The following CERS6 variants were observed in gnomAD, a reference collection of about 807,000 sequenced individuals.
CERS6 encodes the protein ceramide synthase 6.
CERS6 carries 26 observed loss-of-function variants against 56.8 expected under a neutral mutation model. The ratio of observed to expected loss-of-function variants is 0.46; its 90% CI spans 0.34 to 0.63. CERS6 has a LOEUF of 0.63. Among genes scored for constraint, CERS6 ranks in the 30% least tolerant of loss-of-function variants. The probability of loss-of-function intolerance (pLI) is 0.01; values close to 1 mark genes in which losing one functional copy is unlikely to be tolerated. For missense variants in CERS6, 415 were observed against 467.5 expected (o/e 0.89, Z 1.04); for synonymous variants, 164 against 173.3 (o/e 0.95, Z 0.42).
At chr2:168,606,872 G>A (rs1201881127) in intron 3 of CERS6, among the ~76,000 whole-genome samples, 1 of 152,124 alleles carries the variant, frequency 6.6e-6, no homozygotes, top group Non-Finnish European at 1.5e-5. Context: ...AAAGTGTGTG[G>A]CACCTTCCCC....
chr2:168,631,237 A>G (rs1684710145), intron 4 of CERS6, among the ~76,000 whole-genome samples, 195 bp downstream of exon 4: 1 of 150,614 alleles, frequency 6.6e-6, no homozygotes, highest in Non-Finnish European at 1.5e-5. Context: ...CCAGTGGGTT[A>G]TTTATTACTT....
In CERS6 at chr2:168,515,020, G is replaced by A. The variant is rs1694860541; in HGVS notation, c.171-32576G>A. ...AATGTATGTATCCACACATGCATAT[G>A]TGTGTAATGAGAAAATAATTTCTTT... is the stretch of plus-strand genomic sequence containing the variant. On this transcript the variant is annotated intron_variant, in intron 1 of 9. Coordinates refer to ENST00000305747, the MANE Select transcript of CERS6 (RefSeq NM_203463.3). Among the ~76,000 whole-genome samples the A allele has an allele frequency of 2.0e-5, 3 of 152,202 alleles. No individual in the cohort carries two copies. In the South Asian group the frequency reaches 6.2e-4, roughly 31 times the overall value.
chr2:168,752,320 T>TGTGTGTGTGG (rs764784892), intron 8 of CERS6, among the ~76,000 whole-genome samples: 6 of 125,172 alleles, frequency 4.8e-5, no homozygotes, highest in Non-Finnish European at 8.5e-5. Flanking sequence ...TGTGTGTGTA[T>TGTGTGTGTGG]AGAGAGAGAG....
rs1684713565 is a variant in CERS6, at chr2:168,765,722, G to T, written c.976G>T (p.Ala326Ser). ...CTGGTCTTACTTGATTGTGAAAATAGCTTGCAAAGCTGTTTCAAGAGGCAA... is the reference window on the plus strand; with the variant it reads ...CTGGTCTTACTTGATTGTGAAAATATCTTGCAAAGCTGTTTCAAGAGGCAA... Reference protein sequence around the residue: ...CFWSYLIVKIACKAVSRGKVS... With the variant: ...CFWSYLIVKISCKAVSRGKVS... Residue 326 changes from alanine (A) to serine (S), a missense_variant, in exon 9 of 10, where the codon GCT becomes TCT. Physicochemically the swap from Ala to Ser is moderately conservative, Grantham distance 99 (BLOSUM62 1). Coordinates refer to ENST00000305747, the MANE Select transcript of CERS6 (RefSeq NM_203463.3). 1 of 1,613,158 alleles carries T rather than the reference G, an allele frequency of 6.2e-7. No homozygotes were observed. The highest frequency in any genetic ancestry group is 8.5e-7 in the Non-Finnish European group (1 of 1,179,716).
intron 6 of CERS6, among the ~76,000 whole-genome samples, chr2:168,696,504 G>C (rs1046070388): frequency 6.6e-6 from 1 of 152,138 alleles, no homozygotes; most frequent in African/African-American, 2.4e-5. Context: ...CAAATACGTG[G>C]AGGATAAAAT....
intron 3 of CERS6, among the ~76,000 whole-genome samples, chr2:168,561,628 G>C (rs907500019): frequency 6.6e-6 from 1 of 152,300 alleles, no homozygotes; most frequent in South Asian, 2.1e-4. Flanking sequence ...TACTTTTATA[G>C]ATGTGGGTAG....
chr2:168,707,708 A>G (rs1412679055), intron 6 of CERS6, among the ~76,000 whole-genome samples: 1 of 152,202 alleles, frequency 6.6e-6, no homozygotes, highest in Non-Finnish European at 1.5e-5. Context: ...AGAGATGGTT[A>G]TGATTCTCCT....
Position 168,459,651 on chromosome 2 carries a change from C to A in CERS6, c.170+3033C>A, listed in dbSNP as rs547220730. Among the ~76,000 whole-genome samples, 197 of 151,908 alleles carry A rather than the reference C, an allele frequency of 1.3e-3. 8 individuals carry two copies. The South Asian group carries it at 0.038, about 30-fold the overall frequency. ...ATGTGGGTTTTTTTTTTTCCCCCAA[C>A]TGGGCTGATTCTCTTAGAATAAAAA... On this transcript the variant is annotated intron_variant, in intron 1 of 9. Transcript: ENST00000305747.
At chr2:168,746,241 T>G (rs1270634207) in intron 8 of CERS6, among the ~76,000 whole-genome samples, 1 of 152,346 alleles carries the variant, frequency 6.6e-6, no homozygotes, top group South Asian at 2.1e-4. Context: ...GCAACCTCAC[T>G]TATAGCCAGA....
intron 3 of CERS6, among the ~76,000 whole-genome samples, chr2:168,626,367 G>A (rs1238439982): frequency 2.0e-5 from 3 of 152,134 alleles, no homozygotes; most frequent in African/African-American, 7.2e-5. Context: ...CCCTGCTTCT[G>A]CTGCCTCTGT....
chr2:168,540,437 T>C (rs1213471474), intron 1 of CERS6, among the ~76,000 whole-genome samples: 1 of 152,206 alleles, frequency 6.6e-6, no homozygotes, highest in Admixed American at 6.5e-5. Context: ...AGTCCTTTTC[T>C]ATGTTTAGAT....
intron 1 of CERS6, among the ~76,000 whole-genome samples, chr2:168,522,529 ACTT>A (rs1293904215): frequency 9.3e-5 from 14 of 149,974 alleles, no homozygotes; most frequent in Admixed American, 6.0e-4. Context: ...CTTCCCTGTA[ACTT>A]AGGTGAATTT....
At chr2:168,600,190 T>TTTTCTCTC (rs375169890) in intron 3 of CERS6, among the ~76,000 whole-genome samples, 1 of 138,024 alleles carries the variant, frequency 7.2e-6, no homozygotes, top group South Asian at 2.3e-4. Flanking sequence ...ACTACCATAT[T>TTTTCTCTC]TCTCTCTCTC....
chr2:168,532,425 T>A (rs1695185635), intron 1 of CERS6, among the ~76,000 whole-genome samples: 1 of 152,186 alleles, frequency 6.6e-6, no homozygotes, highest in South Asian at 2.1e-4. Context: ...TAATTTCATC[T>A]AGTTGCATAG....
At chr2:168,494,708 A>T (rs996491652) in intron 1 of CERS6, among the ~76,000 whole-genome samples, 6 of 152,120 alleles carry the variant, frequency 3.9e-5, no homozygotes, top group Admixed American at 3.3e-4. Context: ...ACTTATATAC[A>T]GGGTGTTCCA....
At chr2:168,541,213 C>T (rs1695362722) in intron 1 of CERS6, among the ~76,000 whole-genome samples, 1 of 152,194 alleles carries the variant, frequency 6.6e-6, no homozygotes, top group Non-Finnish European at 1.5e-5. Context: ...GATCTGCCTC[C>T]ATGACCCGAA....
chr2:168,644,110 G>T, intron 4 of CERS6: 1 of 985,238 alleles, frequency 1.0e-6, no homozygotes, highest in South Asian at 4.7e-5. Flanking sequence ...GCTAATAGGA[G>T]ATATGACTTG....
At chr2:168,649,244 A>T (rs944253142) in intron 4 of CERS6, among the ~76,000 whole-genome samples, 2 of 151,856 alleles carry the variant, frequency 1.3e-5, no homozygotes, top group African/African-American at 4.9e-5. Flanking sequence ...TTATTACTCC[A>T]CTTAAAACAG....
rs146881601 is a variant in CERS6 at position 168,672,089 on chromosome 2, A to T, written c.466-18945A>T. Among the ~76,000 whole-genome samples, 207 of 152,326 alleles carry T rather than the reference A, an allele frequency of 1.4e-3. 3 individuals carry two copies. In the East Asian group the frequency reaches 0.033, roughly 24 times the overall value. On this transcript the variant is annotated intron_variant, in intron 4 of 9. Coordinates refer to ENST00000305747, the MANE Select transcript of CERS6 (RefSeq NM_203463.3). ...AAGTTGTTTCAGTTGGAGTGAGTAC[A>T]GTGTCATTGTCTCTTGCCTGTTTCC...
Sources: allele counts gnomAD v4.1 joint callset (sites outside exome capture counted in the v4.1 genomes callset), GRCh38; gene constraint gnomAD v4.1.1; transcripts MANE v1.5; gene names NCBI Gene and HGNC (gene_info 2026-07-23, HGNC 2026-07-21).